Variants in JARID2 observed in about 807,000 individuals in gnomAD.
The protein encoded by JARID2 is jumonji and AT-rich interaction domain containing 2, also known as protein Jumonji.
In JARID2, 21 loss-of-function variants were observed where a neutral mutation model predicts 125.6. The ratio of observed to expected loss-of-function variants is 0.17; its 90% CI spans 0.12 to 0.24. The LOEUF (loss-of-function observed/expected upper bound fraction) is 0.24, where lower values mean the gene tolerates loss of function less well. JARID2 is among the 10% of genes least tolerant of loss of function. The pLI, the probability that JARID2 is intolerant of heterozygous loss-of-function variation, is 1.00. For synonymous variants in JARID2, 736 were observed against 661.6 expected (o/e 1.11, Z -1.73); for missense variants, 1,303 against 1,639.6 (o/e 0.79, Z 3.55).
At position 15,498,926 on chromosome 6, in the gene JARID2, A is replaced by T. The variant is rs1173884889; in HGVS notation, c.1945+1756A>T. On this transcript the variant is annotated intron_variant, in intron 7 of 17. Coordinates refer to ENST00000341776, the MANE Select transcript of JARID2 (RefSeq NM_004973.4). ...CTTTGGAGACCTGCAGACAGGAGGGAAACATTCCAAGTTTCCCTCCTCTGC... is the reference window on the plus strand; with the variant it reads ...CTTTGGAGACCTGCAGACAGGAGGGTAACATTCCAAGTTTCCCTCCTCTGC... Among the ~76,000 whole-genome samples the T allele has an allele frequency of 2.0e-5, 3 of 152,178 alleles. No homozygotes were observed. In the East Asian group the frequency reaches 5.8e-4, roughly 29 times the overall value.
chr6:15,273,220 T>TTAAAATACTTGAGC (rs1336936271), intron 1 of JARID2, among the ~76,000 whole-genome samples: 2 of 152,200 alleles, frequency 1.3e-5, no homozygotes, highest in African/African-American at 2.4e-5. Context: ...TACCTGAGTT[T>TTAAAATACTTGAGC]TATTTGTGAG....
chr6:15,468,357 A>T (rs1768848751), intron 4 of JARID2, among the ~76,000 whole-genome samples, 185 bp from the exon 5 acceptor site: 1 of 151,254 alleles, frequency 6.6e-6, no homozygotes, highest in Non-Finnish European at 1.5e-5. Flanking sequence ...CTGCTGGGGG[A>T]TTTTGCTTGA....
At chr6:15,394,089 C>G (rs567282985) in intron 2 of JARID2, among the ~76,000 whole-genome samples, 1 of 152,104 alleles carries the variant, frequency 6.6e-6, no homozygotes, top group Non-Finnish European at 1.5e-5. Context: ...GTGCTGAGAT[C>G]TCATAATTTA....
chr6:15,518,566 C>G (rs965601466), intron 17 of JARID2, among the ~76,000 whole-genome samples: 4 of 152,144 alleles, frequency 2.6e-5, no homozygotes, highest in Non-Finnish European at 4.4e-5. Flanking sequence ...ACTGCAAGCT[C>G]CGCCTCCCAG....
At chr6:15,323,953 C>A (rs376964147) in intron 1 of JARID2, among the ~76,000 whole-genome samples, 1 of 151,610 alleles carries the variant, frequency 6.6e-6, no homozygotes, top group Non-Finnish European at 1.5e-5. Context: ...GAGGCTGAGG[C>A]GGGCGGATCA....
At chr6:15,421,305 G>A (rs1010036198) in intron 3 of JARID2, among the ~76,000 whole-genome samples, 2 of 151,886 alleles carry the variant, frequency 1.3e-5, no homozygotes, top group African/African-American at 4.8e-5. Context: ...AAAAGCGGAA[G>A]TTCTTTCTGT....
intron 1 of JARID2, among the ~76,000 whole-genome samples, chr6:15,277,475 A>G (rs1205394353): frequency 6.6e-6 from 1 of 152,102 alleles, no homozygotes; most frequent in Non-Finnish European, 1.5e-5. Context: ...ACCCCAAGTT[A>G]TACAGATGAG....
Position 15,410,320 on chromosome 6 carries a change from A to G in JARID2, c.278A>G (p.Asn93Ser), listed in dbSNP as rs776801156. ...GCATCCCAAGTGTCCTCCACTAGCA[A>G]CGATGTTAGTTCTTCAGATTTTGAA... ...DDASQVSSTSNDVSSSDFEEG... is the reference protein window; with the variant it reads ...DDASQVSSTSSDVSSSDFEEG... The change falls in exon 3 of 18, where the codon AAC (asparagine) becomes AGC (serine). Residue 93 changes from asparagine (N) to serine (S), a missense_variant. Coordinates refer to ENST00000341776, the MANE Select transcript of JARID2 (RefSeq NM_004973.4). 6.2e-7 allele frequency: 1 copy of G among 1,614,148 alleles called. No individual in the cohort carries two copies. The highest frequency in any genetic ancestry group is 8.5e-7 in the Non-Finnish European group (1 of 1,180,000).
intron 5 of JARID2, among the ~76,000 whole-genome samples, chr6:15,485,658 T>A (rs562558422): frequency 2.2e-4 from 34 of 152,308 alleles, no homozygotes; most frequent in Non-Finnish European, 4.6e-4. Context: ...TTCATAAAAC[T>A]GGGAGAAGAT....
rs1769805648 is a variant in JARID2 at position 15,485,132 on chromosome 6, TC to T, written c.671-2173del. Among the ~76,000 whole-genome samples the T allele has an allele frequency of 6.6e-5, 10 of 152,356 alleles. No individual in the cohort carries two copies. In the South Asian group the frequency reaches 1.4e-3, roughly 22 times the overall value. On this transcript the variant is annotated intron_variant, in intron 5 of 17. Coordinates refer to ENST00000341776, the MANE Select transcript of JARID2 (RefSeq NM_004973.4). ...CCATTTTCTGTGTTAACTGAGAGTA[TC>T]CAGTAGAATCTTGTGCAACGTCGGA...
intron 3 of JARID2, among the ~76,000 whole-genome samples, chr6:15,429,560 C>A (rs1030762149): frequency 2.1e-4 from 32 of 152,142 alleles, no homozygotes; most frequent in Non-Finnish European, 4.0e-4. Context: ...TGAGCCACCG[C>A]ACTCCACTGA....
At chr6:15,263,702 C>T (rs1327844115) in intron 1 of JARID2, among the ~76,000 whole-genome samples, 1 of 151,522 alleles carries the variant, frequency 6.6e-6, no homozygotes, top group Non-Finnish European at 1.5e-5. Flanking sequence ...AAGTGATTCT[C>T]CTGCCTCAGC....
At chr6:15,371,610 A>G (rs1156623144) in intron 1 of JARID2, among the ~76,000 whole-genome samples, 2 of 152,186 alleles carry the variant, frequency 1.3e-5, no homozygotes, top group Non-Finnish European at 1.5e-5. Context: ...ATTCAGCTAT[A>G]TCATGCTTTT....
chr6:15,512,868 G>A, intron 14 of JARID2, 47 bp from the exon 15 acceptor site: 2 of 1,590,368 alleles, frequency 1.3e-6, no homozygotes, highest in South Asian at 1.1e-5. Flanking sequence ...CTTGACAGCT[G>A]CCTAGTAATG....
intron 1 of JARID2, among the ~76,000 whole-genome samples, chr6:15,346,677 C>T (rs1165384609): frequency 1.3e-5 from 2 of 151,652 alleles, no homozygotes; most frequent in African/African-American, 4.8e-5. Flanking sequence ...GCTCTAACAA[C>T]GTCTGGATGC....
chr6:15,517,320 G>A, intron 17 of JARID2, 52 bp downstream of exon 17: 1 of 1,299,028 alleles, frequency 7.7e-7, no homozygotes, highest in Middle Eastern at 1.8e-4. Flanking sequence ...CGCCTTCCCT[G>A]CTCCCGGCTG....
At chr6:15,277,685 A>C (rs1331611481) in intron 1 of JARID2, among the ~76,000 whole-genome samples, 2 of 152,110 alleles carry the variant, frequency 1.3e-5, no homozygotes, top group African/African-American at 4.8e-5. Context: ...TTACTGAAGC[A>C]TTAGATTGAT....
At chr6:15,263,150 ACT>A in intron 1 of JARID2, among the ~76,000 whole-genome samples, 1 of 144,558 alleles carries the variant, frequency 6.9e-6, no homozygotes, top group Non-Finnish European at 1.5e-5. Context: ...ACTGCCTGTC[ACT>A]CTCCATGTCA....
At chr6:15,457,161 A>ATT (rs1277798782) in intron 4 of JARID2, among the ~76,000 whole-genome samples, 1 of 152,140 alleles carries the variant, frequency 6.6e-6, no homozygotes, top group African/African-American at 2.4e-5. Flanking sequence ...CTGTCATTTC[A>ATT]TTTTAATAGC....
Sources: allele counts gnomAD v4.1 joint callset (sites outside exome capture counted in the v4.1 genomes callset), GRCh38; gene constraint gnomAD v4.1.1; transcripts MANE v1.5; gene names NCBI Gene and HGNC (gene_info 2026-07-23, HGNC 2026-07-21).